Variants in EFNA5 observed in about 807,000 individuals in gnomAD.
EFNA5 encodes the protein ephrin-A5.
EFNA5 carries 5 observed loss-of-function variants against 22.9 expected under a neutral mutation model. That is an observed-to-expected ratio of 0.22 (90% CI 0.11 to 0.46). The LOEUF (loss-of-function observed/expected upper bound fraction) is 0.46, where lower values mean the gene tolerates loss of function less well. Ranked by LOEUF, EFNA5 falls within the 20% of genes least tolerant of loss-of-function variation. The pLI, the probability that EFNA5 is intolerant of heterozygous loss-of-function variation, is 0.99. For synonymous variants in EFNA5, 113 were observed against 112.2 expected (o/e 1.01, Z -0.04); for missense variants, 237 against 293.3 (o/e 0.81, Z 1.40).
intron 1 of EFNA5, among the ~76,000 whole-genome samples, chr5:107,592,974 GTCAAATTTAATGTT>G (rs1749406858): frequency 6.6e-6 from 1 of 152,142 alleles, no homozygotes; most frequent in Non-Finnish European, 1.5e-5. Flanking sequence ...GGCAAAATCT[GTCAAATTTAATGTT>G]TCACAAAAGC....
At chr5:107,480,793 T>C (rs1750437743) in intron 1 of EFNA5, among the ~76,000 whole-genome samples, 1 of 152,168 alleles carries the variant, frequency 6.6e-6, no homozygotes, top group Non-Finnish European at 1.5e-5. Context: ...AAAGGCCTTG[T>C]ACTGGGAGTG....
At chr5:107,560,662 C>T (rs445747) in intron 1 of EFNA5, among the ~76,000 whole-genome samples, 32,812 of 152,114 alleles carry the variant, frequency 0.22, 3,913 homozygotes, top group South Asian at 0.35. Flanking sequence ...AGTGGCTTAA[C>T]GTTGTGGTTA....
chr5:107,492,377 G>T lies in EFNA5; in HGVS notation c.126-64868C>A, dbSNP rs116330261. Among the ~76,000 whole-genome samples, 545 of 152,258 alleles carry T rather than the reference G, an allele frequency of 3.6e-3. 5 individuals are homozygous for T. Among genetic ancestry groups the T allele is most frequent in the African/African-American group, 0.012 (505 of 41,546 alleles). ...ATCCTTTTATTATGATAACTATTCA[G>T]CTAGAAAGATCATTACCTACTTTGA... On this transcript the variant is annotated intron_variant, in intron 1 of 4. Coordinates refer to ENST00000333274, the MANE Select transcript of EFNA5 (RefSeq NM_001962.3).
intron 1 of EFNA5, among the ~76,000 whole-genome samples, chr5:107,578,451 C>T (rs190454978): frequency 5.0e-4 from 76 of 152,150 alleles, no homozygotes; most frequent in African/African-American, 1.7e-3. Context: ...GGGGGCCACA[C>T]GAGGCCAAAA....
intron 1 of EFNA5, among the ~76,000 whole-genome samples, chr5:107,466,596 A>T (rs152577): frequency 0.41 from 62,112 of 151,902 alleles, 12,901 homozygotes; most frequent in African/African-American, 0.46. Context: ...GACTTAGAGA[A>T]ATTTGCTTTG....
At chr5:107,541,101 T>C (rs1046609510) in intron 1 of EFNA5, among the ~76,000 whole-genome samples, 5 of 151,766 alleles carry the variant, frequency 3.3e-5, no homozygotes, top group Non-Finnish European at 7.4e-5. Flanking sequence ...AGCAAGACTC[T>C]ATCTCAAAAA....
intron 1 of EFNA5, among the ~76,000 whole-genome samples, chr5:107,653,006 G>T (rs1486772300): frequency 6.6e-6 from 1 of 151,988 alleles, no homozygotes; most frequent in South Asian, 2.1e-4. Context: ...GGGATGCCAA[G>T]GCACTTAGGA....
intron 1 of EFNA5, among the ~76,000 whole-genome samples, chr5:107,487,035 G>A (rs189133100): frequency 1.3e-5 from 2 of 152,114 alleles, no homozygotes; most frequent in East Asian, 1.9e-4. Flanking sequence ...AAATGGAATC[G>A]CCTGGCACAA....
chr5:107,658,215 C>T (rs12110095), intron 1 of EFNA5, among the ~76,000 whole-genome samples: 17,820 of 152,150 alleles, frequency 0.12, 1,392 homozygotes, highest in Non-Finnish European at 0.17. Context: ...TTAATTTAAC[C>T]ATACGGATTT....
chr5:107,590,381 T>C (rs1749292939), intron 1 of EFNA5, among the ~76,000 whole-genome samples: 1 of 151,348 alleles, frequency 6.6e-6, no homozygotes, highest in South Asian at 2.1e-4. Flanking sequence ...CTAGGAACTC[T>C]AGATATAGAC....
At chr5:107,409,518 G>T (rs1460019772) in intron 2 of EFNA5, among the ~76,000 whole-genome samples, 2 of 152,180 alleles carry the variant, frequency 1.3e-5, no homozygotes, top group Admixed American at 6.5e-5. Context: ...GCAAAAATAG[G>T]ATTCTCAATG....
chr5:107,448,524 T>G (rs1449078839), intron 1 of EFNA5, among the ~76,000 whole-genome samples: 1 of 151,810 alleles, frequency 6.6e-6, no homozygotes, highest in Non-Finnish European at 1.5e-5. Flanking sequence ...GGGAGGAACA[T>G]CGGAAGGTTA....
chr5:107,396,420 A>G (rs1419642491), intron 2 of EFNA5, among the ~76,000 whole-genome samples: 1 of 152,210 alleles, frequency 6.6e-6, no homozygotes, highest in Non-Finnish European at 1.5e-5. Context: ...TGATCCCTAC[A>G]GATCTAGAAT....
chr5:107,629,301 T>C (rs964353918), intron 1 of EFNA5, among the ~76,000 whole-genome samples: 2 of 152,170 alleles, frequency 1.3e-5, no homozygotes, highest in African/African-American at 4.8e-5. Context: ...TATGAAACTG[T>C]ATTTAAAAAA....
In EFNA5 at chr5:107,516,174, TTG is replaced by T. The variant is rs59824895; in HGVS notation, c.126-88667_126-88666del. On this transcript the variant is annotated intron_variant, in intron 1 of 4. Transcript: ENST00000333274. ...TGGGCACCACAATGCCTGGCTAGTT[TTG>T]TGTGTGTGTGTGTGTGTGTGTGTGT... Among the ~76,000 whole-genome samples the T allele has an allele frequency of 7.2e-3, 1,007 of 139,598 alleles. 7 individuals carry two copies. Among genetic ancestry groups the T allele is most frequent in the African/African-American group, 0.016 (587 of 37,646 alleles). The allele number at this position is 139,598 out of a possible 152,430, so 91.6% of individuals were successfully genotyped here.
intron 1 of EFNA5, among the ~76,000 whole-genome samples, chr5:107,487,889 C>T (rs1024297061): frequency 6.6e-6 from 1 of 152,202 alleles, no homozygotes; most frequent in African/African-American, 2.4e-5. Flanking sequence ...ACTCCCTATG[C>T]GATGAGGCTG....
chr5:107,636,674 C>G (rs1750378718), intron 1 of EFNA5, among the ~76,000 whole-genome samples: 1 of 152,174 alleles, frequency 6.6e-6, no homozygotes, highest in Non-Finnish European at 1.5e-5. Context: ...TCAAGAAGAT[C>G]AGATCATGTT....
At chr5:107,382,182 C>T (rs1747486421) in intron 4 of EFNA5, among the ~76,000 whole-genome samples, 1 of 152,102 alleles carries the variant, frequency 6.6e-6, no homozygotes, top group Non-Finnish European at 1.5e-5. Flanking sequence ...TATGAGGCTG[C>T]CTCTGACTTT....
chr5:107,661,086 A>G (rs565410676), intron 1 of EFNA5, among the ~76,000 whole-genome samples: 2 of 151,812 alleles, frequency 1.3e-5, no homozygotes, highest in South Asian at 4.2e-4. Context: ...AAAGGCCTTT[A>G]ACAAAACCAC....
Sources: gnomAD v4.1 joint callset for allele counts (sites outside exome capture counted in the v4.1 genomes callset) on GRCh38, gnomAD v4.1.1 for gene constraint, MANE v1.5 for transcripts, NCBI Gene and HGNC (gene_info 2026-07-23, HGNC 2026-07-21) for gene names.